The following MAGI1 variants were observed in gnomAD, a reference collection of about 807,000 sequenced individuals.
The protein encoded by MAGI1 is membrane associated guanylate kinase, WW and PDZ domain containing 1.
A neutral mutation model predicts 139.9 loss-of-function variants in MAGI1; 58 were observed. The observed-to-expected ratio is 0.41, with a 90% CI of 0.34 to 0.52. The LOEUF (loss-of-function observed/expected upper bound fraction) is 0.52. Ranked by LOEUF, MAGI1 falls within the 20% of genes least tolerant of loss-of-function variation. The probability of loss-of-function intolerance (pLI) is 0.12; values close to 1 mark genes in which losing one functional copy is unlikely to be tolerated. For missense variants in MAGI1, 1,874 were observed against 1,901.6 expected (o/e 0.99, Z 0.27); for synonymous variants, 812 against 737.9 (o/e 1.10, Z -1.63).
intron 1 of MAGI1, among the ~76,000 whole-genome samples, chr3:65,920,319 T>C (rs1429351617): frequency 1.3e-5 from 2 of 152,180 alleles, no homozygotes; most frequent in African/African-American, 4.8e-5. Context: ...AAAACAGTGA[T>C]ATTAAAAAAC....
At chr3:65,458,767 T>C (rs528053089) in intron 5 of MAGI1, among the ~76,000 whole-genome samples, 2 of 152,184 alleles carry the variant, frequency 1.3e-5, no homozygotes, top group African/African-American at 2.4e-5. Context: ...GGTTGTCTCC[T>C]CACTTTGTTT....
At chr3:65,903,406 T>C (rs1287796734) in intron 1 of MAGI1, among the ~76,000 whole-genome samples, 1 of 152,156 alleles carries the variant, frequency 6.6e-6, no homozygotes, top group African/African-American at 2.4e-5. Flanking sequence ...AACTTCTCTC[T>C]AGAGTTCAGT....
At chr3:65,766,411 G>A (rs182163117) in intron 1 of MAGI1, among the ~76,000 whole-genome samples, 38 of 152,178 alleles carry the variant, frequency 2.5e-4, no homozygotes, top group African/African-American at 8.7e-4. Context: ...CAAAGAGGAT[G>A]TGGATAATAG....
At chr3:65,515,342 T>A (rs2077815341) in intron 2 of MAGI1, among the ~76,000 whole-genome samples, 1 of 152,168 alleles carries the variant, frequency 6.6e-6, no homozygotes, top group African/African-American at 2.4e-5. Flanking sequence ...AGCAATTTTT[T>A]AAATTAACCA....
chr3:65,491,282 C>A (rs1446230434), intron 3 of MAGI1, among the ~76,000 whole-genome samples: 1 of 152,130 alleles, frequency 6.6e-6, no homozygotes, highest in Admixed American at 6.6e-5. Context: ...GTGTCCCCAT[C>A]TAAAAATTCA....
intron 1 of MAGI1, among the ~76,000 whole-genome samples, chr3:65,970,661 C>A (rs2064976258): frequency 6.6e-6 from 1 of 152,060 alleles, no homozygotes; most frequent in Non-Finnish European, 1.5e-5. Context: ...GGAGCCAACA[C>A]CAGCCAACCC....
intron 1 of MAGI1, among the ~76,000 whole-genome samples, chr3:65,654,755 T>C (rs914729170): frequency 6.6e-6 from 1 of 152,168 alleles, no homozygotes; most frequent in Non-Finnish European, 1.5e-5. Context: ...TGGGTCTTGG[T>C]CAGGGCATGA....
At chr3:65,760,454 T>C (rs191272149) in intron 1 of MAGI1, among the ~76,000 whole-genome samples, 1 of 151,436 alleles carries the variant, frequency 6.6e-6, no homozygotes, top group African/African-American at 2.4e-5. Flanking sequence ...AGTGGCACAC[T>C]CATAGCTCAC....
chr3:65,431,763 G>A (rs932324269), intron 10 of MAGI1, among the ~76,000 whole-genome samples: 5 of 151,972 alleles, frequency 3.3e-5, no homozygotes, highest in African/African-American at 1.2e-4. Context: ...GAGTCAGGTG[G>A]AGCACTGAGG....
At chr3:65,845,909 C>A (rs1197553151) in intron 1 of MAGI1, among the ~76,000 whole-genome samples, 1 of 152,180 alleles carries the variant, frequency 6.6e-6, no homozygotes, top group Non-Finnish European at 1.5e-5. Context: ...GACAAGTTAA[C>A]CTGCAAAGCC....
chr3:65,435,865 A>G (rs556648111), intron 10 of MAGI1, among the ~76,000 whole-genome samples: 2 of 152,284 alleles, frequency 1.3e-5, no homozygotes, highest in East Asian at 3.9e-4. Flanking sequence ...CAGCCTCTGC[A>G]AAGGCTCAGA....
chr3:65,398,953 G>T (rs2107084556), intron 13 of MAGI1, among the ~76,000 whole-genome samples: 1 of 151,894 alleles, frequency 6.6e-6, no homozygotes. Flanking sequence ...AAAAAGATAA[G>T]TCCTTCTGTT....
At chr3:65,593,465 G>A (rs1407080807) in intron 2 of MAGI1, among the ~76,000 whole-genome samples, 1 of 152,164 alleles carries the variant, frequency 6.6e-6, no homozygotes, top group Non-Finnish European at 1.5e-5. Context: ...ATTCAACAGT[G>A]AGCAGAGTAG....
intron 1 of MAGI1, among the ~76,000 whole-genome samples, chr3:66,003,488 C>T (rs2066860972): frequency 6.6e-6 from 1 of 152,084 alleles, no homozygotes; most frequent in South Asian, 2.1e-4. Flanking sequence ...AACCTCGTCT[C>T]ACTCTGTTGC....
At chr3:65,594,263 T>C (rs767164927) in intron 2 of MAGI1, among the ~76,000 whole-genome samples, 4 of 152,186 alleles carry the variant, frequency 2.6e-5, no homozygotes, top group Non-Finnish European at 4.4e-5. Context: ...ATGGAATCAC[T>C]TGTCAAACAG....
intron 1 of MAGI1, among the ~76,000 whole-genome samples, chr3:65,916,398 T>C (rs2061907577): frequency 6.6e-6 from 1 of 151,692 alleles, no homozygotes; most frequent in Admixed American, 6.6e-5. Flanking sequence ...GAAAAAGAGG[T>C]TTAATGGACT....
chr3:65,517,317 T>A (rs2077950666), intron 2 of MAGI1, among the ~76,000 whole-genome samples: 1 of 152,144 alleles, frequency 6.6e-6, no homozygotes, highest in Non-Finnish European at 1.5e-5. Context: ...ACCTTCTTGG[T>A]AAAGAGCTTC....
chr3:65,507,080 T>G (rs1247760556), intron 2 of MAGI1, among the ~76,000 whole-genome samples: 1 of 152,078 alleles, frequency 6.6e-6, no homozygotes, highest in Non-Finnish European at 1.5e-5. Context: ...TATAACTTCT[T>G]GAAAAAATAA....
chr3:65,394,101 C>A (rs1944181957), intron 13 of MAGI1, among the ~76,000 whole-genome samples: 1 of 152,134 alleles, frequency 6.6e-6, no homozygotes, highest in Non-Finnish European at 1.5e-5. Context: ...TTGAAACCCT[C>A]TCATGTCTGT....
Sources: gnomAD v4.1 joint callset for allele counts (sites outside exome capture counted in the v4.1 genomes callset) on GRCh38, gnomAD v4.1.1 for gene constraint, MANE v1.5 for transcripts, NCBI Gene and HGNC (gene_info 2026-07-23, HGNC 2026-07-21) for gene names.